DTNA: variants seen among roughly 807,000 people sequenced by gnomAD.
The protein encoded by DTNA is dystrobrevin alpha.
A neutral mutation model predicts 100.7 loss-of-function variants in DTNA; 43 were observed. The ratio of observed to expected loss-of-function variants is 0.43; its 90% CI spans 0.33 to 0.55. The LOEUF (loss-of-function observed/expected upper bound fraction) is 0.55. DTNA is among the 20% of genes least tolerant of loss of function. The probability of loss-of-function intolerance (pLI) is 0.04; values close to 1 mark genes in which losing one functional copy is unlikely to be tolerated. For missense variants in DTNA, 798 were observed against 953.9 expected (o/e 0.84, Z 2.15); for synonymous variants, 349 against 347.9 (o/e 1.00, Z -0.04).
At chr18:34,692,351 A>T (rs1011628171) in intron 1 of DTNA, among the ~76,000 whole-genome samples, 4 of 152,214 alleles carry the variant, frequency 2.6e-5, no homozygotes, top group African/African-American at 4.8e-5. Flanking sequence ...AATCTTCATA[A>T]TAACCCCACA....
chr18:34,821,707 G>A (rs1175996606), intron 9 of DTNA, among the ~76,000 whole-genome samples: 1 of 152,180 alleles, frequency 6.6e-6, no homozygotes, highest in Non-Finnish European at 1.5e-5. Flanking sequence ...AGTCACAGAT[G>A]CCTCCTTATG....
intron 1 of DTNA, among the ~76,000 whole-genome samples, chr18:34,667,961 C>T (rs1042204724): frequency 0.015 from 2,220 of 152,178 alleles, 42 homozygotes; most frequent in African/African-American, 0.048. Flanking sequence ...GGGAGGATTC[C>T]CTCTTTTTCT....
chr18:34,688,030 T>A (rs2079160919), intron 1 of DTNA, among the ~76,000 whole-genome samples: 1 of 152,180 alleles, frequency 6.6e-6, no homozygotes. Flanking sequence ...TGAGCTTATG[T>A]GTATCTTTGC....
chr18:34,524,281 TA>T (rs2042406985), intron 1 of DTNA, among the ~76,000 whole-genome samples: 2 of 152,196 alleles, frequency 1.3e-5, no homozygotes, highest in Admixed American at 6.5e-5. Context: ...TGTAAAAATA[TA>T]AAAGTATTTT....
intron 7 of DTNA, among the ~76,000 whole-genome samples, chr18:34,817,090 G>A (rs372506773): frequency 2.0e-5 from 3 of 152,010 alleles, no homozygotes; most frequent in South Asian, 2.1e-4. Flanking sequence ...AATTTCTTTC[G>A]TTCTCTCTCA....
Position 34,705,283 on chromosome 18 carries a change from G to A in DTNA, c.-1-50693G>A, listed in dbSNP as rs969975117. The stretch of plus-strand genomic sequence containing the variant: ...GGTGCCTTTAGATATACTGCCGTGT[G>A]GGTTGTCCCTGATAAAAAAAAAATA... On this transcript the variant is annotated intron_variant, in intron 1 of 19. Transcript: ENST00000283365. 1.3e-5 allele frequency among the ~76,000 whole-genome samples: 2 copies of A among 152,000 alleles called. 1 individual carries two copies. The highest frequency in any genetic ancestry group is 4.2e-4 in the South Asian group (2 of 4,814).
chr18:34,871,983 A>C (rs1449325547), intron 17 of DTNA, among the ~76,000 whole-genome samples: 2 of 152,244 alleles, frequency 1.3e-5, no homozygotes, highest in African/African-American at 2.4e-5. Context: ...ATGAAATTGC[A>C]CCAATTAGAG....
At chr18:34,618,000 A>G (rs1020776160) in intron 1 of DTNA, among the ~76,000 whole-genome samples, 2 of 152,060 alleles carry the variant, frequency 1.3e-5, no homozygotes, top group Non-Finnish European at 2.9e-5. Context: ...TGATAATATA[A>G]TTTTCCAATA....
At chr18:34,686,843 A>G (rs2078975649) in intron 1 of DTNA, among the ~76,000 whole-genome samples, 1 of 151,996 alleles carries the variant, frequency 6.6e-6, no homozygotes, top group African/African-American at 2.4e-5. Flanking sequence ...TGGTCTGTTC[A>G]GGGATTCAAC....
intron 1 of DTNA, among the ~76,000 whole-genome samples, chr18:34,521,316 C>G (rs1360903486): frequency 2.6e-5 from 4 of 152,130 alleles, no homozygotes; most frequent in African/African-American, 9.7e-5. Context: ...TCTTACTCCA[C>G]CACGAGCCAT....
chr18:34,515,973 C>T (rs1179703478), intron 1 of DTNA, among the ~76,000 whole-genome samples: 1 of 152,106 alleles, frequency 6.6e-6, no homozygotes, highest in Non-Finnish European at 1.5e-5. Flanking sequence ...CTAAATTAGT[C>T]ACACAGAAAA....
intron 1 of DTNA, among the ~76,000 whole-genome samples, chr18:34,631,588 G>T (rs770851760): frequency 2.6e-5 from 4 of 152,114 alleles, no homozygotes; most frequent in Non-Finnish European, 4.4e-5. Context: ...GTGATTAAAA[G>T]ATCTAAATAC....
intron 1 of DTNA, among the ~76,000 whole-genome samples, chr18:34,753,369 T>TTATTTTATTTTA (rs1239446995): frequency 1.1e-5 from 1 of 93,396 alleles, no homozygotes; most frequent in African/African-American, 6.1e-5. Context: ...TTATTTTATT[T>TTATTTTATTTTA]TTTTTTTTTT....
chr18:34,506,030 C>T (rs887775019), intron 1 of DTNA, among the ~76,000 whole-genome samples: 1 of 152,196 alleles, frequency 6.6e-6, no homozygotes, highest in Non-Finnish European at 1.5e-5. Flanking sequence ...AAATTAGGTT[C>T]CTCACTCAGT....
At chr18:34,827,540 A>G in intron 9 of DTNA, 53 bp from the exon 10 acceptor site, 2 of 1,571,578 alleles carry the variant, frequency 1.3e-6, no homozygotes, top group Non-Finnish European at 1.8e-6. Context: ...AGAGTTTTAA[A>G]TTTGTGACTT....
At chr18:34,519,013 T>A (rs1295317323) in intron 1 of DTNA, among the ~76,000 whole-genome samples, 1 of 152,012 alleles carries the variant, frequency 6.6e-6, no homozygotes, top group Non-Finnish European at 1.5e-5. Flanking sequence ...TGAATAGATC[T>A]GAGGAGTATT....
At chr18:34,602,801 C>T (rs1292393430) in intron 1 of DTNA, among the ~76,000 whole-genome samples, 2 of 151,426 alleles carry the variant, frequency 1.3e-5, no homozygotes, top group South Asian at 4.2e-4. Context: ...ACCAGGAGTT[C>T]GAGAACAGCC....
intron 8 of DTNA, 78 bp from the exon 9 acceptor site, chr18:34,820,713 T>C (rs556259850): frequency 6.9e-6 from 11 of 1,600,250 alleles, no homozygotes; most frequent in African/African-American, 1.3e-5. Context: ...TGAATATCTA[T>C]TATGAAAAGC....
intron 11 of DTNA, among the ~76,000 whole-genome samples, chr18:34,837,692 A>G (rs1392614715): frequency 6.6e-6 from 1 of 152,238 alleles, no homozygotes; most frequent in Non-Finnish European, 1.5e-5. Flanking sequence ...CTTTCTATCC[A>G]GAACAGAAAG....
Sources: gnomAD v4.1 joint callset for allele counts (sites outside exome capture counted in the v4.1 genomes callset) on GRCh38, gnomAD v4.1.1 for gene constraint, MANE v1.5 for transcripts, NCBI Gene and HGNC (gene_info 2026-07-23, HGNC 2026-07-21) for gene names.